The following MICAL3 variants were observed in gnomAD, a reference collection of about 807,000 sequenced individuals.
MICAL3 encodes microtubule associated monooxygenase, calponin and LIM domain containing 3.
A neutral mutation model predicts 207.4 loss-of-function variants in MICAL3; 62 were observed. The ratio of observed to expected loss-of-function variants is 0.30; its 90% CI spans 0.24 to 0.37. MICAL3 has a LOEUF of 0.37. Ranked by LOEUF, MICAL3 falls within the 10% of genes least tolerant of loss-of-function variation. The pLI is 1.00. For synonymous variants in MICAL3, 1,077 were observed against 1,069.3 expected (o/e 1.01, Z -0.14); for missense variants, 2,368 against 2,635.6 (o/e 0.90, Z 2.22).
chr22:17,928,541 A>C (rs1324698278), intron 1 of MICAL3, among the ~76,000 whole-genome samples: 1 of 152,236 alleles, frequency 6.6e-6, no homozygotes, highest in Non-Finnish European at 1.5e-5. Context: ...TCACTCACTG[A>C]GATAAGACTA....
intron 1 of MICAL3, among the ~76,000 whole-genome samples, chr22:17,918,334 T>C (rs1932669988): frequency 6.6e-6 from 1 of 152,048 alleles, no homozygotes. Context: ...ATATGTAAAA[T>C]TAAGACTGAG....
intron 9 of MICAL3, among the ~76,000 whole-genome samples, chr22:17,895,957 T>TAAGC (rs1930792100): frequency 6.6e-6 from 1 of 152,220 alleles, no homozygotes; most frequent in Admixed American, 6.5e-5. Flanking sequence ...GAAACACTTA[T>TAAGC]AAGCAGTTTG....
At chr22:17,995,945 G>A (rs982220737) in intron 1 of MICAL3, among the ~76,000 whole-genome samples, 22 of 151,748 alleles carry the variant, frequency 1.4e-4, no homozygotes, top group African/African-American at 2.4e-4. Context: ...CAAATTGTTC[G>A]AGCCCAGGAG....
intron 1 of MICAL3, among the ~76,000 whole-genome samples, chr22:17,981,293 T>C (rs1376212417): frequency 6.6e-6 from 1 of 152,088 alleles, no homozygotes; most frequent in East Asian, 1.9e-4. Flanking sequence ...TAGATTTTTT[T>C]TTTTTTTTAA....
chr22:17,842,557 A>G (rs921229800), intron 19 of MICAL3: 2 of 160,924 alleles, frequency 1.2e-5, no homozygotes, highest in Non-Finnish European at 2.8e-5. Context: ...CAGTTAGATA[A>G]GGCACTTTCG....
chr22:17,939,429 T>G (rs1167200756), intron 1 of MICAL3, among the ~76,000 whole-genome samples: 1 of 152,226 alleles, frequency 6.6e-6, no homozygotes, highest in African/African-American at 2.4e-5. Context: ...GAAGAAGGGC[T>G]GCACCTCCTG....
At chr22:17,922,015 G>A (rs1473115796) in intron 1 of MICAL3, among the ~76,000 whole-genome samples, 2 of 151,962 alleles carry the variant, frequency 1.3e-5, no homozygotes, top group African/African-American at 2.4e-5. Context: ...CACCTCTGCC[G>A]CCTCCTCACC....
At chr22:17,955,002 G>A (rs1198562896) in intron 1 of MICAL3, among the ~76,000 whole-genome samples, 1 of 152,134 alleles carries the variant, frequency 6.6e-6, no homozygotes, top group Non-Finnish European at 1.5e-5. Context: ...GGGATTACAG[G>A]CGTGAGCCAC....
At chr22:17,798,754 A>T (rs1350061352) in intron 29 of MICAL3, among the ~76,000 whole-genome samples, 1 of 148,580 alleles carries the variant, frequency 6.7e-6, no homozygotes, top group East Asian at 2.0e-4. Flanking sequence ...GCTCACTGCA[A>T]GCTCCGCCTC....
intron 1 of MICAL3, among the ~76,000 whole-genome samples, chr22:17,912,623 G>C (rs191560632): frequency 2.6e-5 from 4 of 152,150 alleles, no homozygotes; most frequent in African/African-American, 9.6e-5. Context: ...TTCCTTTTCA[G>C]ACTGTTCACT....
At chr22:17,861,483 G>A (rs1926510777) in intron 19 of MICAL3, 3 of 985,268 alleles carry the variant, frequency 3.0e-6, no homozygotes, top group Non-Finnish European at 3.6e-6. Flanking sequence ...CTATGCCTTC[G>A]GCTTCCCTAC....
At chr22:17,882,065 G>A (rs1929488044) in intron 16 of MICAL3, among the ~76,000 whole-genome samples, 1 of 152,216 alleles carries the variant, frequency 6.6e-6, no homozygotes, top group African/African-American at 2.4e-5. Context: ...CCGGGGAGCA[G>A]GGAAGCCACG....
chr22:17,810,206 G>GCACTTGCC (rs940945452), intron 28 of MICAL3, among the ~76,000 whole-genome samples: 12 of 152,130 alleles, frequency 7.9e-5, no homozygotes, highest in African/African-American at 2.9e-4. Context: ...GGGACTACAG[G>GCACTTGCC]CACTTGCCAC....
At chr22:17,873,979 C>T (rs1927991207) in intron 16 of MICAL3, among the ~76,000 whole-genome samples, 2 of 152,194 alleles carry the variant, frequency 1.3e-5, no homozygotes, top group Non-Finnish European at 2.9e-5. Flanking sequence ...GCCATTATCC[C>T]GGGGATGCCA....
chr22:17,863,097 A>C, intron 19 of MICAL3: 1 of 985,384 alleles, frequency 1.0e-6, no homozygotes, highest in Non-Finnish European at 1.2e-6. Flanking sequence ...TGGAAAGCGT[A>C]ATTCTTTAGA....
intron 16 of MICAL3, among the ~76,000 whole-genome samples, chr22:17,883,355 G>T (rs545250620): frequency 6.6e-6 from 1 of 152,252 alleles, no homozygotes; most frequent in African/African-American, 2.4e-5. Context: ...GGTTAGAAAG[G>T]AACATTTTTG....
intron 16 of MICAL3, among the ~76,000 whole-genome samples, chr22:17,883,162 G>C (rs1483155851): frequency 3.9e-5 from 6 of 152,134 alleles, no homozygotes; most frequent in African/African-American, 1.4e-4. Context: ...CTTCCACCTA[G>C]ACATCAAGGC....
intron 16 of MICAL3, chr22:17,876,820 G>GGAGGTTATGGAGGTTAGGGAGGTTAT (rs1928492339): frequency 1.8e-5 from 1 of 54,712 alleles, no homozygotes; most frequent in African/African-American, 8.4e-5. Flanking sequence ...AGGGAGGTTA[G>GGAGGTTATGGAGGTTAGGGAGGTTAT]GGAGGTTATG....
intron 27 of MICAL3, chr22:17,813,693 G>A (rs1263816293): frequency 6.6e-6 from 1 of 152,222 alleles, no homozygotes; most frequent in African/African-American, 2.4e-5. Flanking sequence ...GGCAGTGGCT[G>A]CCTTCCCACA....
Sources: gnomAD v4.1 joint callset for allele counts (sites outside exome capture counted in the v4.1 genomes callset) on GRCh38, gnomAD v4.1.1 for gene constraint, MANE v1.5 for transcripts, NCBI Gene and HGNC (gene_info 2026-07-23, HGNC 2026-07-21) for gene names.